Variants in PBX3 observed in about 807,000 individuals in gnomAD.
The protein encoded by PBX3 is pre-B-cell leukemia transcription factor 3.
In PBX3, 14 loss-of-function variants were observed where a neutral mutation model predicts 48.5. The ratio of observed to expected loss-of-function variants is 0.29; its 90% CI spans 0.19 to 0.45. The LOEUF is 0.45. Ranked by LOEUF, PBX3 falls within the 20% of genes least tolerant of loss-of-function variation. The pLI is 1.00. For missense variants in PBX3, 386 were observed against 546.7 expected (o/e 0.71, Z 2.93); for synonymous variants, 210 against 200.3 (o/e 1.05, Z -0.41).
chr9:125,748,480 C>T (rs1836271281), intron 1 of PBX3, 70 bp from the exon 2 acceptor site: 1 of 1,578,294 alleles, frequency 6.3e-7, no homozygotes, highest in Non-Finnish European at 8.7e-7. Context: ...TTGGGTCTAA[C>T]TTAAAGGAAG....
chr9:125,783,722 G>T (rs1445398665), intron 2 of PBX3, among the ~76,000 whole-genome samples: 1 of 152,084 alleles, frequency 6.6e-6, no homozygotes, highest in Non-Finnish European at 1.5e-5. Flanking sequence ...TTTGGGCCGG[G>T]AGCAGCAGCT....
intron 2 of PBX3, among the ~76,000 whole-genome samples, chr9:125,899,175 C>T (rs1163033919): frequency 6.9e-6 from 1 of 145,678 alleles, no homozygotes; most frequent in Non-Finnish European, 1.5e-5. Flanking sequence ...TTATTGTGTA[C>T]TTCACATTCT....
At chr9:125,903,990 G>C (rs1341151921) in intron 2 of PBX3, among the ~76,000 whole-genome samples, 7 of 151,676 alleles carry the variant, frequency 4.6e-5, no homozygotes, top group Non-Finnish European at 8.8e-5. Context: ...CTTACTTAGG[G>C]GTGATTAGTT....
intron 2 of PBX3, among the ~76,000 whole-genome samples, chr9:125,898,944 T>C (rs1159144510): frequency 6.6e-6 from 1 of 151,512 alleles, no homozygotes; most frequent in Non-Finnish European, 1.5e-5. Context: ...ATAGAAATGG[T>C]TGAATTTGGA....
intron 2 of PBX3, among the ~76,000 whole-genome samples, chr9:125,794,185 CAT>C (rs1444424051): frequency 6.6e-6 from 1 of 152,116 alleles, no homozygotes; most frequent in African/African-American, 2.4e-5. Flanking sequence ...GAGGAAAAAA[CAT>C]ATTTTCTGCT....
At chr9:125,853,985 TACAC>T (rs34586706) in intron 2 of PBX3, among the ~76,000 whole-genome samples, 223 of 150,656 alleles carry the variant, frequency 1.5e-3, no homozygotes, top group African/African-American at 5.3e-3. Flanking sequence ...GGCTGCTGTA[TACAC>T]ACACACACAC....
At chr9:125,873,770 A>G (rs1309506845) in intron 2 of PBX3, among the ~76,000 whole-genome samples, 1 of 152,148 alleles carries the variant, frequency 6.6e-6, no homozygotes, top group Non-Finnish European at 1.5e-5. Context: ...CTAAAATCCA[A>G]TAGAACCTAA....
chr9:125,747,597 C>T lies in PBX3; in HGVS notation c.144C>T (p.Asp48=). The T allele has an allele frequency of 6.2e-7, 1 of 1,608,232 alleles. No homozygotes were observed. The highest frequency in any genetic ancestry group is 8.5e-7 in the Non-Finnish European group (1 of 1,177,324). ...DGDGRKQDIG[D]ILHQIMTITD... ...ACGGCAGGAAGCAGGACATCGGCGACATCCTCCACCAGATCATGACCATCA... is the reference window on the plus strand; with the variant it reads ...ACGGCAGGAAGCAGGACATCGGCGATATCCTCCACCAGATCATGACCATCA... The change falls in exon 1 of 9, where the codon GAC becomes GAT. Residue 48 remains aspartate (D), a synonymous_variant. Coordinates refer to ENST00000373489, the MANE Select transcript of PBX3 (RefSeq NM_006195.6).
At position 125,765,816 on chromosome 9, in the gene PBX3, A is replaced by G. The variant is rs532699308; in HGVS notation, c.274+17193A>G. Among the ~76,000 whole-genome samples, 17 of 152,312 alleles carry G rather than the reference A, an allele frequency of 1.1e-4. No homozygotes were observed. The South Asian group carries it at 3.1e-3, about 28-fold the overall frequency. Reference sequence around the variant, plus strand: ...TCTAGACTTGATTATTGAGGTAACAAGCTATGGGAAAAAAGAAGAGTTTGT... The same window carrying G: ...TCTAGACTTGATTATTGAGGTAACAGGCTATGGGAAAAAAGAAGAGTTTGT... On this transcript the variant is annotated intron_variant, in intron 2 of 8. Transcript: ENST00000373489.
At chr9:125,790,428 A>G (rs1837568160) in intron 2 of PBX3, among the ~76,000 whole-genome samples, 1 of 150,498 alleles carries the variant, frequency 6.6e-6, no homozygotes, top group Admixed American at 6.6e-5. Context: ...AATTTTTTGT[A>G]TTTTTAGTAG....
chr9:125,836,156 T>C (rs960107062), intron 2 of PBX3, among the ~76,000 whole-genome samples: 1 of 152,028 alleles, frequency 6.6e-6, no homozygotes, highest in Non-Finnish European at 1.5e-5. Context: ...CTAAAAAAAA[T>C]TGATCTTGGC....
At chr9:125,850,913 G>A (rs987328851) in intron 2 of PBX3, among the ~76,000 whole-genome samples, 3 of 152,070 alleles carry the variant, frequency 2.0e-5, no homozygotes, top group Non-Finnish European at 2.9e-5. Flanking sequence ...TGGCTGCAGT[G>A]TTGAAAAAAT....
intron 2 of PBX3, among the ~76,000 whole-genome samples, chr9:125,866,657 G>A (rs1215810940): frequency 6.6e-6 from 1 of 152,158 alleles, no homozygotes; most frequent in Admixed American, 6.5e-5. Context: ...CAGATTCATG[G>A]TTTTTCAGCT....
chr9:125,790,890 T>C (rs1837583200), intron 2 of PBX3, among the ~76,000 whole-genome samples: 1 of 152,004 alleles, frequency 6.6e-6, no homozygotes, highest in African/African-American at 2.4e-5. Context: ...TTACCACCAT[T>C]GTTAACAATG....
At position 125,747,452 on chromosome 9, in the gene PBX3, G is replaced by T; in HGVS notation, c.-2G>T. 6.7e-6 allele frequency: 10 copies of T among 1,500,536 alleles called. No homozygotes were observed. Among genetic ancestry groups the T allele is most frequent in the Non-Finnish European group, 8.9e-6 (10 of 1,122,992 alleles). The allele number at this position is 1,500,536 out of a possible 1,614,324, so 93.0% of individuals were successfully genotyped here. On this transcript the variant is annotated 5_prime_UTR_variant, in exon 1 of 9. Coordinates refer to ENST00000373489, the MANE Select transcript of PBX3 (RefSeq NM_006195.6). ...CGCCCGCTCCCGCCCGCGCGCGGCG[G>T]GATGGACGATCAATCCAGGATGCTG...
intron 3 of PBX3, among the ~76,000 whole-genome samples, chr9:125,916,829 A>G (rs1447504103): frequency 6.6e-6 from 1 of 152,198 alleles, no homozygotes; most frequent in African/African-American, 2.4e-5. Flanking sequence ...GTCATTTGGA[A>G]GGTAATTTTA....
At chr9:125,824,466 T>C (rs1450976317) in intron 2 of PBX3, among the ~76,000 whole-genome samples, 1 of 152,034 alleles carries the variant, frequency 6.6e-6, no homozygotes, top group African/African-American at 2.4e-5. Flanking sequence ...AGAATGCATA[T>C]TTAATTAATT....
At chr9:125,844,719 A>T (rs982826618) in intron 2 of PBX3, 13 of 152,106 alleles carry the variant, frequency 8.5e-5, no homozygotes, top group African/African-American at 3.1e-4. Context: ...GTCTTGGAAG[A>T]AAACTCTGGG....
At chr9:125,793,366 AATAT>A (rs1554855765) in intron 2 of PBX3, among the ~76,000 whole-genome samples, 1 of 101,974 alleles carries the variant, frequency 9.8e-6, no homozygotes, top group African/African-American at 4.2e-5. Context: ...GGAAAAAAAA[AATAT>A]ATATATATAT....
Sources: allele counts gnomAD v4.1 joint callset (sites outside exome capture counted in the v4.1 genomes callset), GRCh38; gene constraint gnomAD v4.1.1; transcripts MANE v1.5; gene names NCBI Gene and HGNC (gene_info 2026-07-23, HGNC 2026-07-21).